The following COL5A1 variants were observed in gnomAD, a reference collection of about 807,000 sequenced individuals.
The protein encoded by COL5A1 is collagen type V alpha 1 chain.
In COL5A1, 16 loss-of-function variants were observed where a neutral mutation model predicts 263.7. That is an observed-to-expected ratio of 0.06 (90% CI 0.04 to 0.09). The LOEUF is 0.09. Among genes scored for constraint, COL5A1 ranks in the 10% least tolerant of loss-of-function variants. The probability of loss-of-function intolerance (pLI) is 1.00; values close to 1 mark genes in which losing one functional copy is unlikely to be tolerated. For synonymous variants in COL5A1, 1,012 were observed against 1,004.5 expected, an observed-to-expected ratio of 1.01 and a Z score of -0.14; for missense variants, 2,036 against 2,540.5, an observed-to-expected ratio of 0.80 and a Z score of 4.27.
intron 4 of COL5A1, among the ~76,000 whole-genome samples, chr9:134,723,448 G>T (rs906635107): frequency 8.5e-5 from 13 of 152,234 alleles, no homozygotes; most frequent in African/African-American, 2.7e-4. Flanking sequence ...GAGATGTGGA[G>T]ACAGGGGAGG....
Position 134,806,282 on chromosome 9 carries a change from G to C in COL5A1, c.3352G>C (p.Glu1118Gln), listed in dbSNP as rs759720701. ...GPQGPPGPAG[E>Q]KGAPGEKGPQ... is the part of the protein sequence containing the mutation. ...CCAGGGACCCCCAGGGCCGGCAGGAGAGAAAGGGGCTCCTGTAAGTACTGC... is the reference window on the plus strand; with the variant it reads ...CCAGGGACCCCCAGGGCCGGCAGGACAGAAAGGGGCTCCTGTAAGTACTGC... Residue 1118 changes from glutamate (E) to glutamine (Q), a missense_variant, in exon 42 of 66, where the codon GAG becomes CAG. Around this residue, in one of 3 missense-constraint regions of COL5A1, gnomAD observed 1,078 missense variants for 1,521.4 expected, o/e 0.71. Coordinates refer to ENST00000371817, the MANE Select transcript of COL5A1 (RefSeq NM_000093.5). 6.5e-7 allele frequency: 1 copy of C among 1,548,680 alleles called. No individual in the cohort carries two copies. Among genetic ancestry groups the C allele is most frequent in the South Asian group, 1.2e-5 (1 of 83,976 alleles).
intron 65 of COL5A1, among the ~76,000 whole-genome samples, chr9:134,835,736 T>C (rs1273035548): frequency 6.6e-6 from 1 of 152,146 alleles, no homozygotes; most frequent in Non-Finnish European, 1.5e-5. Flanking sequence ...GGCGGGAGGC[T>C]TGCTGAGACC....
intron 11 of COL5A1, among the ~76,000 whole-genome samples, chr9:134,747,857 T>C (rs1487827408): frequency 8.3e-4 from 90 of 108,302 alleles, no homozygotes; most frequent in African/African-American, 3.0e-3. Flanking sequence ...ACACATGCAT[T>C]CATACACACA....
intron 9 of COL5A1, among the ~76,000 whole-genome samples, chr9:134,738,124 C>T (rs185412856): frequency 9.9e-5 from 15 of 152,250 alleles, no homozygotes; most frequent in Admixed American, 7.2e-4. Context: ...TTTGGCCTGG[C>T]GGACCTGCCT....
At chr9:134,774,024 C>T (rs1040407775) in intron 26 of COL5A1, among the ~76,000 whole-genome samples, 2 of 152,234 alleles carry the variant, frequency 1.3e-5, no homozygotes, top group African/African-American at 2.4e-5. Context: ...CACCAGAGCT[C>T]GCACAGTGCC....
At chr9:134,748,109 G>A (rs1048560254) in intron 11 of COL5A1, among the ~76,000 whole-genome samples, 29 of 76,912 alleles carry the variant, frequency 3.8e-4, no homozygotes, top group African/African-American at 1.4e-3. Flanking sequence ...ATCCACACAT[G>A]CATACACAGA....
At chr9:134,784,934 A>C in intron 29 of COL5A1, 55 bp from the exon 30 acceptor site, 1 of 1,278,488 alleles carries the variant, frequency 7.8e-7, no homozygotes, top group Non-Finnish European at 1.1e-6. Context: ...ATGGTGGTGG[A>C]GAATAGTGTG....
At chr9:134,713,663 A>G (rs61084903) in intron 4 of COL5A1, among the ~76,000 whole-genome samples, 9,174 of 152,272 alleles carry the variant, frequency 0.06, 941 homozygotes, top group African/African-American at 0.21. Flanking sequence ...ATATGAAAAA[A>G]ACTTAGGGGT....
chr9:134,649,869 T>A (rs1239272330), intron 1 of COL5A1, among the ~76,000 whole-genome samples: 1 of 152,192 alleles, frequency 6.6e-6, no homozygotes, highest in Non-Finnish European at 1.5e-5. Context: ...AAAGGATAGT[T>A]CATGTCCTTT....
chr9:134,760,559 T>C (rs1425635471), intron 18 of COL5A1, among the ~76,000 whole-genome samples: 206 of 30,440 alleles, frequency 6.8e-3, no homozygotes, highest in Admixed American at 9.5e-3. Flanking sequence ...CACACGCACA[T>C]ACACACCCAC....
At chr9:134,802,477 C>G (rs1408426552) in intron 38 of COL5A1, among the ~76,000 whole-genome samples, 2 of 152,234 alleles carry the variant, frequency 1.3e-5, no homozygotes, top group Non-Finnish European at 2.9e-5. Flanking sequence ...AAGCGCACAC[C>G]TCATGTAGCG....
rs1832708332 is a variant in COL5A1, at chr9:134,677,242, G to A, written c.110-13670G>A. 6.6e-6 allele frequency among the ~76,000 whole-genome samples: 1 copy of A among 152,106 alleles called. No individual in the cohort carries two copies. The highest frequency in any genetic ancestry group is 1.9e-4 in the East Asian group (1 of 5,198). On this transcript the variant is annotated intron_variant, in intron 1 of 65. Transcript: ENST00000371817. The surrounding 1 kb of genome is among the most constrained non-coding windows in gnomAD (Gnocchi z 4.4). ...TGAGAGTGGGAAGCCTGAAAGTCCAGCCTTTTTATCCAGATCTCAGCTACC... is the reference window on the plus strand; with the variant it reads ...TGAGAGTGGGAAGCCTGAAAGTCCAACCTTTTTATCCAGATCTCAGCTACC...
intron 16 of COL5A1, among the ~76,000 whole-genome samples, chr9:134,756,118 T>C (rs1024234380): frequency 6.6e-6 from 1 of 152,136 alleles, no homozygotes; most frequent in South Asian, 2.1e-4. Context: ...GCCTGCACAG[T>C]GGGCCCCGGA....
At chr9:134,827,063 G>T (rs939810160) in intron 63 of COL5A1, among the ~76,000 whole-genome samples, 2 of 152,202 alleles carry the variant, frequency 1.3e-5, no homozygotes, top group East Asian at 3.9e-4. Flanking sequence ...TCATGAGCTC[G>T]CAGTTGTCGC....
intron 16 of COL5A1, among the ~76,000 whole-genome samples, 153 bp from the exon 17 acceptor site, chr9:134,756,599 CTCCTGGATCTGGG>C (rs1835983285): frequency 6.6e-6 from 1 of 152,208 alleles, no homozygotes; most frequent in South Asian, 2.1e-4. Context: ...CCCGCCCGGG[CTCCTGGATCTGGG>C]TCCTCGCAGC....
At chr9:134,811,932 A>G (rs1257554998) in intron 46 of COL5A1, among the ~76,000 whole-genome samples, 5 of 152,186 alleles carry the variant, frequency 3.3e-5, no homozygotes, top group Non-Finnish European at 5.9e-5. Flanking sequence ...TGCCTTTTAA[A>G]TGTGTGTATT....
chr9:134,729,601 C>T (rs1834801557), intron 6 of COL5A1, among the ~76,000 whole-genome samples: 1 of 26,496 alleles, frequency 3.8e-5, no homozygotes, highest in Non-Finnish European at 6.8e-5. Flanking sequence ...CATGCGGGCA[C>T]GGGTGTGCAT....
At chr9:134,684,608 T>A (rs1046613072) in intron 1 of COL5A1, among the ~76,000 whole-genome samples, 4 of 152,206 alleles carry the variant, frequency 2.6e-5, no homozygotes, top group African/African-American at 9.6e-5. Flanking sequence ...GCATCTCATG[T>A]CCTGCAGCTG....
chr9:134,804,690 C>T (rs912002644), intron 39 of COL5A1, among the ~76,000 whole-genome samples: 17 of 152,338 alleles, frequency 1.1e-4, no homozygotes, highest in African/African-American at 4.1e-4. Context: ...CTGCTGAGTC[C>T]AGTCACGACT....
Sources: gnomAD v4.1 joint callset for allele counts (sites outside exome capture counted in the v4.1 genomes callset) on GRCh38, gnomAD v4.1.1 for gene constraint, gnomAD v4.1.1 regional missense constraint, Gnocchi (gnomAD v3.1) non-coding constraint, MANE v1.5 for transcripts, NCBI Gene and HGNC (gene_info 2026-07-23, HGNC 2026-07-21) for gene names.